LAMA5: variants seen among roughly 807,000 people sequenced by gnomAD.
The protein encoded by LAMA5 is laminin subunit alpha 5, also known as laminin subunit alpha-5.
LAMA5 carries 260 observed loss-of-function variants against 433.4 expected under a neutral mutation model. The ratio of observed to expected loss-of-function variants is 0.60; its 90% CI spans 0.54 to 0.66. The LOEUF (loss-of-function observed/expected upper bound fraction) is 0.66. Ranked by LOEUF, LAMA5 falls within the 30% of genes least tolerant of loss-of-function variation. LAMA5 has a pLI of 0.00. For synonymous variants in LAMA5, 2,620 were observed against 2,226.6 expected (o/e 1.18, Z -4.97); for missense variants, 5,378 against 5,258.5 (o/e 1.02, Z -0.70).
intron 3 of LAMA5, 62 bp downstream of exon 3, chr20:62,353,072 G>C: frequency 8.0e-7 from 1 of 1,242,286 alleles, no homozygotes; most frequent in Non-Finnish European, 1.1e-6. Flanking sequence ...GCCTGGTCAC[G>C]GAGGGCCTGC....
intron 57 of LAMA5, chr20:62,316,394 C>G (rs1422956394): frequency 7.5e-6 from 4 of 535,044 alleles, no homozygotes; most frequent in Non-Finnish European, 1.3e-5. Context: ...GTCAGCAGAG[C>G]AGAGGCCACG....
At position 62,343,774 on chromosome 20, in the gene LAMA5, C is replaced by CA. The variant is rs11474754; in HGVS notation, c.1477+2043dup. 2.7e-3 allele frequency among the ~76,000 whole-genome samples: 168 copies of CA among 61,380 alleles called. 10 individuals are homozygous for CA. The highest frequency in any genetic ancestry group is 7.4e-3 in the African/African-American group (148 of 20,096). 40.3% of individuals were successfully genotyped at this position (61,380 alleles called of 152,430 possible). A position where few individuals can be genotyped will look rare whatever the true frequency, so the allele number is the denominator to read the frequency against. On this transcript the variant is annotated intron_variant, in intron 11 of 79. Transcript: ENST00000252999. ...CTGGGCAACTAGAGTGAAACTCCAT[C>CA]AAAAAAAAAAAAAAGAAAGCACTCG...
intron 6 of LAMA5, among the ~76,000 whole-genome samples, chr20:62,348,293 A>T (rs952553256): frequency 3.3e-5 from 5 of 152,216 alleles, no homozygotes; most frequent in African/African-American, 1.2e-4. Flanking sequence ...GAAGAATGTT[A>T]AAAATGGTCA....
rs954128470 is a variant in LAMA5 at position 62,320,826 on chromosome 20, G to A, written c.6561C>T (p.Ala2187=). The part of the protein sequence containing the change: ...DLERAGALLP[A]IHEQLRGINA... Reference sequence around the variant, plus strand: ...TGATGCCACGCAGTTGCTCGTGAATGGCGGGGAGGAGGGCGCCGGCCCGTT... The same window carrying A: ...TGATGCCACGCAGTTGCTCGTGAATAGCGGGGAGGAGGGCGCCGGCCCGTT... The change falls in exon 49 of 80, where the codon GCC becomes GCT. Residue 2187 remains alanine (A), a synonymous_variant. Coordinates refer to ENST00000252999, the MANE Select transcript of LAMA5 (RefSeq NM_005560.6). 4 of 1,612,498 alleles carry A rather than the reference G, an allele frequency of 2.5e-6. No individual in the cohort carries two copies. Among genetic ancestry groups the A allele is most frequent in the African/African-American group, 1.3e-5 (1 of 74,948 alleles).
Position 62,312,387 on chromosome 20 carries a change from G to A in LAMA5, c.9360+13C>T. On this transcript the variant is annotated intron_variant, in intron 68 of 79. Transcript: ENST00000252999. ...CCACAGATGCCACCCCCAGCCCGGG[G>A]AGGGCTGCTCACCAGCAGGTCGGCG... is the stretch of plus-strand genomic sequence containing the variant. 6.3e-7 allele frequency: 1 copy of A among 1,599,290 alleles called. No homozygotes were observed. Among genetic ancestry groups the A allele is most frequent in the Non-Finnish European group, 8.5e-7 (1 of 1,179,140 alleles).
chr20:62,333,377 G>C lies in LAMA5; in HGVS notation c.3126C>G (p.Asp1042Glu), dbSNP rs1980870053. Reference sequence around the variant, plus strand: ...CCCACCGCACGCATGGCCCTCACTTGTCGCCAGACTGCTGGGCAGAGGGAC... The same window carrying C: ...CCCACCGCACGCATGGCCCTCACTTCTCGCCAGACTGCTGGGCAGAGGGAC... Reference protein sequence around the residue: ...TYRPSAQQSGDNCLLYTHLPL... With the variant: ...TYRPSAQQSGENCLLYTHLPL... Residue 1042 changes from aspartate to glutamate, a missense_variant and splice_region_variant, in exon 25 of 80, where the codon GAC becomes GAG. Physicochemically the swap from Asp to Glu is conservative, Grantham distance 45 (BLOSUM62 2). Coordinates refer to ENST00000252999, the MANE Select transcript of LAMA5 (RefSeq NM_005560.6). 1 of 1,612,040 alleles carries C rather than the reference G, an allele frequency of 6.2e-7. No individual in the cohort carries two copies. Among genetic ancestry groups the C allele is most frequent in the African/African-American group, 1.3e-5 (1 of 74,570 alleles).
In LAMA5 at chr20:62,309,298, C is replaced by A; in HGVS notation, c.*38G>T. The A allele has an allele frequency of 6.3e-7, 1 of 1,583,218 alleles. No individual in the cohort carries two copies. The highest frequency in any genetic ancestry group is 8.5e-7 in the Non-Finnish European group (1 of 1,172,124). On this transcript the variant is annotated 3_prime_UTR_variant, in exon 80 of 80. Transcript: ENST00000252999. Reference sequence around the variant, plus strand: ...GAGCACAAGGGGCGGTGTGAGGCAGCTGCAGGGGCCTGACCAGGGGCCGGG... The same window carrying A: ...GAGCACAAGGGGCGGTGTGAGGCAGATGCAGGGGCCTGACCAGGGGCCGGG...
rs774874044 is a variant in LAMA5 at position 62,322,328 on chromosome 20, C to T, written c.6287G>A (p.Gly2096Glu). 8.8e-6 allele frequency: 14 copies of T among 1,599,404 alleles called. No individual in the cohort carries two copies. Among genetic ancestry groups the T allele is most frequent in the Non-Finnish European group, 1.2e-5 (14 of 1,174,854 alleles). ...GQCHCRPGTM[G>E]PQCRECAPGY... ...AGGGGCACACTCGCGGCACTGGGGTCCCATGGTCCCTGGTCGGCAGTGGCA... is the reference window on the plus strand; with the variant it reads ...AGGGGCACACTCGCGGCACTGGGGTTCCATGGTCCCTGGTCGGCAGTGGCA... Residue 2096 changes from glycine (G) to glutamate (E), a missense_variant, in exon 47 of 80, where the codon GGA (glycine) becomes GAA (glutamate). Transcript: ENST00000252999.
intron 17 of LAMA5, 105 bp downstream of exon 17, chr20:62,336,629 G>A (rs1409550341): frequency 3.6e-6 from 5 of 1,394,840 alleles, no homozygotes; most frequent in Admixed American, 1.8e-5. Flanking sequence ...GGGTTGCCAT[G>A]GCAACTGAGC....
chr20:62,354,507 C>G (rs1984869303), intron 2 of LAMA5, among the ~76,000 whole-genome samples: 1 of 152,104 alleles, frequency 6.6e-6, no homozygotes, highest in African/African-American at 2.4e-5. Context: ...ACCCGCCCAA[C>G]AGTGAAACAC....
chr20:62,336,524 C>A, intron 17 of LAMA5, 79 bp from the exon 18 acceptor site: 1 of 1,353,396 alleles, frequency 7.4e-7, no homozygotes. Flanking sequence ...AGAGCCCTGA[C>A]AAGGGGTGGT....
intron 43 of LAMA5, 24 bp from the exon 44 acceptor site, chr20:62,323,880 C>T: frequency 3.2e-6 from 5 of 1,585,102 alleles, no homozygotes; most frequent in Non-Finnish European, 3.4e-6. Context: ...CAGCGTCAGT[C>T]ACTAGGCCCC....
Position 62,312,903 on chromosome 20 carries a change from G to A in LAMA5, c.9063C>T (p.Thr3021=), listed in dbSNP as rs201833837. The change falls in exon 66 of 80, where the codon ACC becomes ACT. Residue 3021 remains threonine, a synonymous_variant. Coordinates refer to ENST00000252999, the MANE Select transcript of LAMA5 (RefSeq NM_005560.6). The part of the protein sequence containing the change: ...AVPLQPPPPL[T]SASKAIQVFL... ...CTGGCCCTACCGCCTTGCTGGCCGA[G>A]GTCAGGGGCGGTGGGGGCTGCAGTG... The A allele has an allele frequency of 5.7e-4, 909 of 1,584,984 alleles. 6 individuals carry two copies. The Admixed American group carries it at 0.012, about 21-fold the overall frequency.
At chr20:62,366,687 T>C (rs1219837121) in intron 1 of LAMA5, among the ~76,000 whole-genome samples, 1 of 151,850 alleles carries the variant, frequency 6.6e-6, no homozygotes. Context: ...CCCGCCCCGG[T>C]CACCGCAGTC....
chr20:62,350,721 C>T (rs565003484), intron 6 of LAMA5, among the ~76,000 whole-genome samples: 3 of 152,174 alleles, frequency 2.0e-5, no homozygotes, highest in East Asian at 1.9e-4. Context: ...TCTGTCCAGC[C>T]CCATGCCTGC....
In LAMA5 at chr20:62,324,688, G is replaced by A; in HGVS notation, c.5530-134C>T. 4.6e-6 allele frequency: 3 copies of A among 655,600 alleles called. No homozygotes were observed. In the Admixed American group the frequency reaches 6.9e-5, roughly 15 times the overall value. The allele number at this position is 655,600 out of a possible 1,614,324, so 40.6% of individuals were successfully genotyped here. ...GAACCCGTGGAGCATGGTCACCGCTGGGTCAGAGGCTGGTCAGGAACTCCT... is the reference window on the plus strand; with the variant it reads ...GAACCCGTGGAGCATGGTCACCGCTAGGTCAGAGGCTGGTCAGGAACTCCT... On this transcript the variant is annotated intron_variant, in intron 41 of 79. Coordinates refer to ENST00000252999, the MANE Select transcript of LAMA5 (RefSeq NM_005560.6). This position sits in a 1 kb window ranked among gnomAD's most constrained non-coding sequence, Gnocchi z 4.4.
rs759047154 is a variant in LAMA5, at chr20:62,319,003, G to A, written c.6882C>T (p.Ser2294=). The change falls in exon 52 of 80, where the codon TCC becomes TCT. Residue 2294 remains serine, a synonymous_variant. Coordinates refer to ENST00000252999, the MANE Select transcript of LAMA5 (RefSeq NM_005560.6). ...TGGCCAGCCCCAGGTGGCCCGTCTG[G>A]GACATGAGCTCTGTGGGGCAGGGGT... The part of the protein sequence containing the change: ...AVDRTLSELM[S]QTGHLGLANA... The A allele has an allele frequency of 1.3e-6, 2 of 1,582,348 alleles. No homozygotes were observed. Among genetic ancestry groups the A allele is most frequent in the Non-Finnish European group, 1.7e-6 (2 of 1,166,494 alleles).
At position 62,334,312 on chromosome 20, in the gene LAMA5, C is replaced by A. The variant is rs1981120518; in HGVS notation, c.2613G>T (p.Leu871=). The A allele has an allele frequency of 6.2e-7, 1 of 1,609,036 alleles. No homozygotes were observed. Among genetic ancestry groups the A allele is most frequent in the African/African-American group, 1.3e-5 (1 of 74,854 alleles). The change falls in exon 22 of 80, where the codon CTG becomes CTT. Residue 871 remains leucine (L), a synonymous_variant. Transcript: ENST00000252999. ...CCTCCAGCTCCAGGCGCAGGTGGTG[C>A]AGGTCCGGGAGGTAGTGGTCCCTCG... is the stretch of plus-strand genomic sequence containing the variant. The part of the protein sequence containing the change: ...EPARDHYLPD[L]HHLRLELEEA...
intron 28 of LAMA5, among the ~76,000 whole-genome samples, 179 bp from the exon 29 acceptor site, chr20:62,331,308 ATGGGGGGTGCAGGCGGTACGATGG>A (rs1980409954): frequency 1.8e-5 from 1 of 55,998 alleles, no homozygotes; most frequent in African/African-American, 7.9e-5. Flanking sequence ...AGGCGGTACG[ATGGGGGGTGCAGGCGGTACGATGG>A]GGGGGCCGGT....
Sources: gnomAD v4.1 joint callset for allele counts (sites outside exome capture counted in the v4.1 genomes callset) on GRCh38, gnomAD v4.1.1 for gene constraint, Gnocchi (gnomAD v3.1) non-coding constraint, MANE v1.5 for transcripts, NCBI Gene and HGNC (gene_info 2026-07-23, HGNC 2026-07-21) for gene names.